Variants in EEPD1 observed in about 807,000 individuals in gnomAD.
EEPD1 encodes the protein endonuclease/exonuclease/phosphatase family domain-containing protein 1.
Under a neutral mutation model 46.3 loss-of-function variants are expected in EEPD1, and 17 were observed. The observed-to-expected ratio is 0.37, with a 90% CI of 0.25 to 0.55. The LOEUF is 0.55. EEPD1 is among the 20% of genes least tolerant of loss of function. EEPD1 has a pLI of 0.83. For synonymous variants in EEPD1, 313 were observed against 315.6 expected (o/e 0.99, Z 0.09); for missense variants, 673 against 745.6 (o/e 0.90, Z 1.13).
rs1332115638 is a variant in EEPD1 at position 36,287,895 on chromosome 7, TACAGGGG to T, written c.1315+123_1315+129del. On this transcript the variant is annotated intron_variant, in intron 6 of 7. Coordinates refer to ENST00000242108, the MANE Select transcript of EEPD1 (RefSeq NM_030636.3). Reference sequence around the variant, plus strand: ...GTTTGTCAGCAATGTGAGTCGCGGGTACAGGGGACAGTCAAACCTCTGGCATCTCATG... The same window carrying T: ...GTTTGTCAGCAATGTGAGTCGCGGGTACAGTCAAACCTCTGGCATCTCATG... 2.1e-6 allele frequency: 3 copies of T among 1,418,388 alleles called. No individual in the cohort carries two copies. In the East Asian group the frequency reaches 7.1e-5, roughly 34 times the overall value. 87.9% of individuals were successfully genotyped at this position (1,418,388 alleles called of 1,614,324 possible). A position where few individuals can be genotyped will look rare whatever the true frequency, so the allele number is the denominator to read the frequency against.
At chr7:36,211,882 G>A (rs897479451) in intron 2 of EEPD1, among the ~76,000 whole-genome samples, 8 of 150,096 alleles carry the variant, frequency 5.3e-5, no homozygotes, top group African/African-American at 1.7e-4. Flanking sequence ...CCAAGATTGC[G>A]CCACTGCATT....
At chr7:36,251,281 C>T (rs1238340130) in intron 3 of EEPD1, among the ~76,000 whole-genome samples, 1 of 152,118 alleles carries the variant, frequency 6.6e-6, no homozygotes, top group Non-Finnish European at 1.5e-5. Flanking sequence ...TATTTCTCTT[C>T]TTTCCTCTAC....
At chr7:36,171,063 A>G (rs1369384010) in intron 2 of EEPD1, among the ~76,000 whole-genome samples, 1 of 152,158 alleles carries the variant, frequency 6.6e-6, no homozygotes, top group African/African-American at 2.4e-5. Context: ...CTGAAACTAC[A>G]GGTGTGCACC....
chr7:36,294,411 A>C (rs77988212), intron 6 of EEPD1, among the ~76,000 whole-genome samples: 2 of 152,354 alleles, frequency 1.3e-5, no homozygotes, highest in East Asian at 3.9e-4. Flanking sequence ...ATTTTTCTAG[A>C]AATGATACTG....
chr7:36,286,375 G>A lies in EEPD1; in HGVS notation c.1177-1264G>A, dbSNP rs199744146. Among the ~76,000 whole-genome samples the A allele has an allele frequency of 2.0e-5, 3 of 152,318 alleles. No homozygotes were observed. The East Asian group carries it at 5.8e-4, about 29-fold the overall frequency. On this transcript the variant is annotated intron_variant, in intron 5 of 7. Transcript: ENST00000242108. ...AGCTGCAGAGCTCTTGGTCCTGGTT[G>A]CTGGCAAACTGGGACCACATCCGTA...
At chr7:36,198,706 G>A (rs193003466) in intron 2 of EEPD1, among the ~76,000 whole-genome samples, 1 of 152,314 alleles carries the variant, frequency 6.6e-6, no homozygotes, top group African/African-American at 2.4e-5. Context: ...GGTATGTAGG[G>A]ATGAAATGAA....
rs150913357 is a variant in EEPD1 at position 36,255,050 on chromosome 7, C to T, written c.930+16014C>T. On this transcript the variant is annotated intron_variant, in intron 3 of 7. Transcript: ENST00000242108. ...TTCTGGATATTAGCCCTTTGTCAGA[C>T]GGATAGATTGCAAAAATGTTCTCCC... Among the ~76,000 whole-genome samples, 953 of 152,162 alleles carry T rather than the reference C, an allele frequency of 6.3e-3. 17 individuals carry two copies. The highest frequency in any genetic ancestry group is 0.021 in the African/African-American group (888 of 41,522).
chr7:36,154,324 C>G lies in EEPD1; in HGVS notation c.-1C>G. The G allele has an allele frequency of 6.2e-7, 1 of 1,606,770 alleles. No homozygotes were observed. Among genetic ancestry groups the G allele is most frequent in the Non-Finnish European group, 8.5e-7 (1 of 1,178,854 alleles). The stretch of plus-strand genomic sequence containing the variant: ...TCCCGGGAGCCTGATCCTGGCGGAC[C>G]ATGGGGAGCACCCTGGGCTGCCACC... On this transcript the variant is annotated 5_prime_UTR_variant, in exon 2 of 8. Coordinates refer to ENST00000242108, the MANE Select transcript of EEPD1 (RefSeq NM_030636.3). This position sits in a 1 kb window ranked among gnomAD's most constrained non-coding sequence, Gnocchi z 4.2.
At chr7:36,203,511 C>T (rs1277728637) in intron 2 of EEPD1, among the ~76,000 whole-genome samples, 3 of 152,184 alleles carry the variant, frequency 2.0e-5, no homozygotes, top group Non-Finnish European at 4.4e-5. Context: ...CCAGTTCTCT[C>T]TTAGACTCAG....
intron 3 of EEPD1, among the ~76,000 whole-genome samples, chr7:36,250,546 A>C (rs1786720183): frequency 6.6e-6 from 1 of 152,214 alleles, no homozygotes; most frequent in South Asian, 2.1e-4. Flanking sequence ...TACCCATTCA[A>C]CTTATTGTCT....
chr7:36,160,073 C>T (rs1784878543), intron 2 of EEPD1, among the ~76,000 whole-genome samples: 1 of 152,184 alleles, frequency 6.6e-6, no homozygotes, highest in Non-Finnish European at 1.5e-5. Context: ...GGGTCTGATT[C>T]CAAGGTTCTT....
At chr7:36,208,518 C>T (rs2115719477) in intron 2 of EEPD1, among the ~76,000 whole-genome samples, 1 of 152,266 alleles carries the variant, frequency 6.6e-6, no homozygotes, top group East Asian at 1.9e-4. Context: ...GTTTAATACT[C>T]AGTGGTTGGG....
intron 2 of EEPD1, among the ~76,000 whole-genome samples, chr7:36,196,396 T>C (rs78652050): frequency 1.4e-5 from 2 of 146,868 alleles, no homozygotes; most frequent in African/African-American, 5.4e-5. Flanking sequence ...CTCTCCCATC[T>C]CCCTCTCCCT....
intron 2 of EEPD1, among the ~76,000 whole-genome samples, chr7:36,197,468 GA>G (rs1333871873): frequency 1.3e-5 from 2 of 152,246 alleles, no homozygotes; most frequent in Non-Finnish European, 2.9e-5. Context: ...TTGTGGAATA[GA>G]AAAGGGGGCA....
intron 2 of EEPD1, among the ~76,000 whole-genome samples, chr7:36,178,656 C>T (rs1562675599): frequency 6.6e-6 from 1 of 152,184 alleles, no homozygotes; most frequent in Non-Finnish European, 1.5e-5. Context: ...CTACTTTGTG[C>T]CCCCTCAGGA....
At chr7:36,183,894 TAAAAAAATGTGTGTTG>T (rs1785318774) in intron 2 of EEPD1, among the ~76,000 whole-genome samples, 2 of 149,690 alleles carry the variant, frequency 1.3e-5, no homozygotes, top group Non-Finnish European at 3.0e-5. Flanking sequence ...TTTTTATTTT[TAAAAAAATGTGTGTTG>T]TTGTTTATTA....
intron 3 of EEPD1, among the ~76,000 whole-genome samples, chr7:36,255,978 C>G (rs1460989404): frequency 6.6e-6 from 1 of 152,192 alleles, no homozygotes; most frequent in Non-Finnish European, 1.5e-5. Flanking sequence ...ATAAATTTCC[C>G]TCTAAACACT....
intron 4 of EEPD1, among the ~76,000 whole-genome samples, chr7:36,283,569 C>T (rs964996251): frequency 2.6e-5 from 4 of 152,150 alleles, no homozygotes; most frequent in East Asian, 1.9e-4. Context: ...CTGAGTGGGT[C>T]GCCCAGGGTC....
At chr7:36,223,015 GTGGCGGGTGCC>G (rs1248014670) in intron 2 of EEPD1, among the ~76,000 whole-genome samples, 6 of 152,218 alleles carry the variant, frequency 3.9e-5, no homozygotes, top group African/African-American at 1.4e-4. Flanking sequence ...GGCAGGCGTG[GTGGCGGGTGCC>G]TGTAATCCCA....
Sources: allele counts gnomAD v4.1 joint callset (sites outside exome capture counted in the v4.1 genomes callset), GRCh38; gene constraint gnomAD v4.1.1; non-coding constraint Gnocchi (gnomAD v3.1); transcripts MANE v1.5; gene names NCBI Gene and HGNC (gene_info 2026-07-23, HGNC 2026-07-21).